NOS1AP: variants seen among roughly 807,000 people sequenced by gnomAD.
NOS1AP encodes nitric oxide synthase 1 adaptor protein.
NOS1AP carries 21 observed loss-of-function variants against 56.2 expected under a neutral mutation model. That is an observed-to-expected ratio of 0.37 (90% CI 0.26 to 0.54). The LOEUF (loss-of-function observed/expected upper bound fraction) is 0.54. NOS1AP is among the 20% of genes least tolerant of loss of function. The probability of loss-of-function intolerance (pLI) is 0.84; values close to 1 mark genes in which losing one functional copy is unlikely to be tolerated. For synonymous variants in NOS1AP, 270 were observed against 274.6 expected (o/e 0.98, Z 0.17); for missense variants, 522 against 657.8 (o/e 0.79, Z 2.26).
At chr1:162,308,420 G>A (rs1257789947) in intron 4 of NOS1AP, among the ~76,000 whole-genome samples, 1 of 152,192 alleles carries the variant, frequency 6.6e-6, no homozygotes, top group African/African-American at 2.4e-5. Flanking sequence ...GGGAAGGCTA[G>A]CAGAGAGAGT....
intron 1 of NOS1AP, among the ~76,000 whole-genome samples, chr1:162,123,091 C>T (rs186658978): frequency 6.6e-6 from 1 of 152,234 alleles, no homozygotes; most frequent in Admixed American, 6.5e-5. Context: ...GTGCTTATGC[C>T]ACCAATTTGA....
chr1:162,204,929 A>G (rs1652112757), intron 2 of NOS1AP, among the ~76,000 whole-genome samples: 2 of 152,158 alleles, frequency 1.3e-5, no homozygotes, highest in Admixed American at 6.5e-5. Flanking sequence ...GGAAGCTACT[A>G]AAATGTATCC....
At chr1:162,157,863 T>A (rs1244022656) in intron 2 of NOS1AP, among the ~76,000 whole-genome samples, 2 of 152,214 alleles carry the variant, frequency 1.3e-5, no homozygotes, top group African/African-American at 4.8e-5. Context: ...ATATCTGGAC[T>A]TTGTTTTTCA....
At chr1:162,362,405 C>A (rs1571246999) in intron 8 of NOS1AP, among the ~76,000 whole-genome samples, 1 of 147,018 alleles carries the variant, frequency 6.8e-6, no homozygotes, top group Middle Eastern at 3.8e-3. Flanking sequence ...GAGCTGAGAT[C>A]ATTCCACTGC....
chr1:162,223,213 A>G (rs1488349814), intron 2 of NOS1AP, among the ~76,000 whole-genome samples: 1 of 152,106 alleles, frequency 6.6e-6, no homozygotes, highest in Admixed American at 6.5e-5. Flanking sequence ...TAGTTACAGA[A>G]TTTTCTCCTC....
intron 4 of NOS1AP, among the ~76,000 whole-genome samples, chr1:162,315,559 G>C (rs1250080315): frequency 6.6e-6 from 1 of 152,178 alleles, no homozygotes; most frequent in Non-Finnish European, 1.5e-5. Flanking sequence ...TGACTGCGAG[G>C]TCCAGAGGGT....
chr1:162,121,130 G>A (rs1432269304), intron 1 of NOS1AP, among the ~76,000 whole-genome samples: 1 of 140,174 alleles, frequency 7.1e-6, no homozygotes, highest in Non-Finnish European at 1.6e-5. Context: ...TTTGAGAGGG[G>A]TAAACCGATC....
intron 2 of NOS1AP, among the ~76,000 whole-genome samples, chr1:162,257,774 G>A (rs988029286): frequency 6.6e-6 from 1 of 152,136 alleles, no homozygotes; most frequent in Non-Finnish European, 1.5e-5. Context: ...TACATGTGTA[G>A]TATCTTGAGG....
At chr1:162,294,866 C>T (rs938727526) in intron 3 of NOS1AP, among the ~76,000 whole-genome samples, 6 of 152,208 alleles carry the variant, frequency 3.9e-5, no homozygotes, top group Admixed American at 6.5e-5. Context: ...CCACCAGGCA[C>T]TCCCTCCCCA....
At chr1:162,360,472 A>G in intron 8 of NOS1AP, 2 of 242,932 alleles carry the variant, frequency 8.2e-6, no homozygotes, top group Non-Finnish European at 1.6e-5. Context: ...CTGATTGGCA[A>G]GTGTTAAGTA....
intron 2 of NOS1AP, among the ~76,000 whole-genome samples, chr1:162,181,264 C>A (rs911328752): frequency 1.3e-5 from 2 of 152,270 alleles, no homozygotes; most frequent in Non-Finnish European, 2.9e-5. Context: ...AATATTAAGA[C>A]ACACCTTTGA....
intron 2 of NOS1AP, among the ~76,000 whole-genome samples, chr1:162,272,017 C>A (rs1468221795): frequency 2.6e-5 from 4 of 152,036 alleles, no homozygotes; most frequent in African/African-American, 9.7e-5. Context: ...GTAGGGACTG[C>A]CAGCTAATTT....
intron 1 of NOS1AP, among the ~76,000 whole-genome samples, chr1:162,142,220 A>G: frequency 6.6e-6 from 1 of 152,220 alleles, no homozygotes. Context: ...CATATGTATT[A>G]TTTTATTTAA....
chr1:162,209,965 G>A (rs567204601), intron 2 of NOS1AP, among the ~76,000 whole-genome samples: 1 of 152,304 alleles, frequency 6.6e-6, no homozygotes, highest in East Asian at 1.9e-4. Context: ...GGCAGAGATA[G>A]AGATATCAGA....
chr1:162,319,080 G>A (rs960035443), intron 4 of NOS1AP, among the ~76,000 whole-genome samples: 2 of 152,140 alleles, frequency 1.3e-5, no homozygotes, highest in Non-Finnish European at 1.5e-5. Context: ...GCTGTGCATC[G>A]CTCCAGGTGT....
At chr1:162,108,954 G>A (rs910788808) in intron 1 of NOS1AP, among the ~76,000 whole-genome samples, 2 of 152,194 alleles carry the variant, frequency 1.3e-5, no homozygotes, top group African/African-American at 4.8e-5. Flanking sequence ...GAGGTTTAAT[G>A]GATTCACAGT....
chr1:162,223,936 C>T (rs1360033016), intron 2 of NOS1AP, among the ~76,000 whole-genome samples: 2 of 152,178 alleles, frequency 1.3e-5, no homozygotes, highest in Admixed American at 6.5e-5. Flanking sequence ...ACCTTTCACT[C>T]TTGCCTGGAT....
intron 6 of NOS1AP, among the ~76,000 whole-genome samples, chr1:162,350,397 G>A (rs953692443): frequency 6.6e-6 from 1 of 152,168 alleles, no homozygotes; most frequent in African/African-American, 2.4e-5. Context: ...CCCTCCCTGG[G>A]GGAGTTTTGT....
At chr1:162,262,611 A>G (rs1654273984) in intron 2 of NOS1AP, among the ~76,000 whole-genome samples, 1 of 152,232 alleles carries the variant, frequency 6.6e-6, no homozygotes, top group South Asian at 2.1e-4. Flanking sequence ...AAGGGAAAAT[A>G]GGGCATCTGG....
Sources: allele counts gnomAD v4.1 joint callset (sites outside exome capture counted in the v4.1 genomes callset), GRCh38; gene constraint gnomAD v4.1.1; transcripts MANE v1.5; gene names NCBI Gene and HGNC (gene_info 2026-07-23, HGNC 2026-07-21).